The following NPY2R variants were observed in gnomAD, a reference collection of about 807,000 sequenced individuals.
NPY2R encodes neuropeptide Y receptor type 2.
Under a neutral mutation model 22.3 loss-of-function variants are expected in NPY2R, and 17 were observed. The ratio of observed to expected loss-of-function variants is 0.76; its 90% CI spans 0.52 to 1.14. The LOEUF is 1.14. Among genes scored for constraint, NPY2R ranks in the 50% most tolerant of loss-of-function variants. NPY2R has a pLI of 0.00. For synonymous variants in NPY2R, 209 were observed against 183.4 expected (o/e 1.14, Z -1.13); for missense variants, 424 against 467.9 (o/e 0.91, Z 0.87).
At chr4:155,187,440 G>T in the NPY2R span, among the ~76,000 whole-genome samples, 2 of 152,044 alleles carry the variant, frequency 1.3e-5, no homozygotes, top group African/African-American at 2.4e-5. Flanking sequence ...ATGTGCAAAT[G>T]GAATGAGACT....
the NPY2R span, among the ~76,000 whole-genome samples, chr4:155,185,586 T>A: frequency 6.6e-6 from 1 of 152,078 alleles, no homozygotes; most frequent in South Asian, 2.1e-4. Flanking sequence ...TATTTCCATA[T>A]CCCTTTCTTC....
chr4:155,178,651 A>G, the NPY2R span, among the ~76,000 whole-genome samples: 1 of 152,170 alleles, frequency 6.6e-6, no homozygotes, highest in Admixed American at 6.5e-5. Flanking sequence ...TCAGTTGTTC[A>G]TATATTTTGA....
the NPY2R span, among the ~76,000 whole-genome samples, chr4:155,178,016 A>T: frequency 0.089 from 13,577 of 152,184 alleles, 696 homozygotes; most frequent in African/African-American, 0.14. Flanking sequence ...GTGTAGTCAC[A>T]AAACAGTCTA....
At chr4:155,177,882 T>C in the NPY2R span, among the ~76,000 whole-genome samples, 1 of 152,062 alleles carries the variant, frequency 6.6e-6, no homozygotes, top group East Asian at 1.9e-4. Context: ...CACCACCACA[T>C]TGGAGGTTAA....
the NPY2R span, among the ~76,000 whole-genome samples, chr4:155,174,478 ATATATATT>A: frequency 1.1e-5 from 1 of 88,760 alleles, no homozygotes; most frequent in African/African-American, 6.0e-5. Context: ...ATATATATAT[ATATATATT>A]TTTTTTTTTA....
At chr4:155,192,115 T>C in the NPY2R span, among the ~76,000 whole-genome samples, 5 of 151,924 alleles carry the variant, frequency 3.3e-5, no homozygotes, top group African/African-American at 1.2e-4. Flanking sequence ...AAATCCATTT[T>C]ACCTTAATCA....
At chr4:155,190,481 C>G in the NPY2R span, among the ~76,000 whole-genome samples, 9 of 151,894 alleles carry the variant, frequency 5.9e-5, no homozygotes, top group African/African-American at 2.2e-4. Context: ...CTTTCCCAAG[C>G]CTCAACTTCC....
the NPY2R span, among the ~76,000 whole-genome samples, chr4:155,200,920 A>G: frequency 6.6e-6 from 1 of 152,110 alleles, no homozygotes; most frequent in Non-Finnish European, 1.5e-5. Flanking sequence ...CTTAAAACCT[A>G]GATGACGGGT....
chr4:155,214,960 C>T lies in NPY2R; in HGVS notation c.1021C>T (p.Arg341Cys), dbSNP rs201784122. The T allele has an allele frequency of 2.2e-5, 36 of 1,614,212 alleles. No individual in the cohort carries two copies. The highest frequency in any genetic ancestry group is 3.3e-4 in the Middle Eastern group (2 of 6,062). The stretch of plus-strand genomic sequence containing the variant: ...CAGAAAGGCTTTCCTCTCGGCCTTC[C>T]GCTGTGAGCAGCGGTTGGATGCCAT... ...NYRKAFLSAF[R>C]CEQRLDAIHS... Residue 341 changes from arginine (R) to cysteine (C), a missense_variant, in exon 2 of 2, where the codon CGC becomes TGC. Physicochemically the swap from Arg to Cys is radical, Grantham distance 180. Transcript: ENST00000329476.
At chr4:155,209,471 T>C (rs1302167941) in intron 1 of NPY2R, among the ~76,000 whole-genome samples, 1 of 152,202 alleles carries the variant, frequency 6.6e-6, no homozygotes, top group African/African-American at 2.4e-5. Flanking sequence ...GCTCACCCAC[T>C]GGCAGGAGCT....
the NPY2R span, among the ~76,000 whole-genome samples, chr4:155,179,495 T>G: frequency 1.3e-5 from 2 of 152,184 alleles, no homozygotes; most frequent in Non-Finnish European, 2.9e-5. Flanking sequence ...TGGGTTTATT[T>G]AGCCCCCACT....
chr4:155,198,516 A>G, the NPY2R span, among the ~76,000 whole-genome samples: 9 of 104,054 alleles, frequency 8.6e-5, no homozygotes, highest in African/African-American at 2.9e-4. Context: ...TATCAAATAT[A>G]TTTTATAAAT....
chr4:155,202,483 A>T, the NPY2R span, among the ~76,000 whole-genome samples: 2 of 152,164 alleles, frequency 1.3e-5, no homozygotes, highest in African/African-American at 4.8e-5. Flanking sequence ...ATACAGTCTC[A>T]ATAAAGATTT....
chr4:155,214,100 T>C lies in NPY2R; in HGVS notation c.161T>C (p.Ile54Thr). The C allele has an allele frequency of 6.2e-7, 1 of 1,614,066 alleles. No homozygotes were observed. The highest frequency in any genetic ancestry group is 8.5e-7 in the Non-Finnish European group (1 of 1,179,906). Residue 54 changes from isoleucine to threonine, a missense_variant, in exon 2 of 2, where the codon ATA becomes ACA. Transcript: ENST00000329476. The part of the protein sequence containing the change: ...TKLIEVQVVL[I>T]LAYCSIILLG... ...CTGATTGAGGTACAAGTTGTTCTCATATTGGCCTACTGCTCCATCATCTTG... is the reference window on the plus strand; with the variant it reads ...CTGATTGAGGTACAAGTTGTTCTCACATTGGCCTACTGCTCCATCATCTTG...
In NPY2R at chr4:155,214,047, T is replaced by C. The variant is rs778410857; in HGVS notation, c.108T>C (p.Pro36=). 2.5e-6 allele frequency: 4 copies of C among 1,613,972 alleles called. 1 individual carries two copies. The East Asian group carries it at 8.9e-5, about 36-fold the overall frequency. The change falls in exon 2 of 2, where the codon CCT becomes CCC. Residue 36 remains proline, a synonymous_variant. Transcript: ENST00000329476. The stretch of plus-strand genomic sequence containing the variant: ...CTAGAGGTGAACTGGTCCCTGACCC[T>C]GAGCCAGAGCTTATAGATAGTACCA... The part of the protein sequence containing the change: ...TTPRGELVPD[P]EPELIDSTKL...
At chr4:155,181,197 T>C in the NPY2R span, among the ~76,000 whole-genome samples, 2 of 152,182 alleles carry the variant, frequency 1.3e-5, no homozygotes, top group African/African-American at 4.8e-5. Context: ...AGCACGTGGA[T>C]AACTTCTTAT....
At chr4:155,209,936 C>T (rs563163908) in intron 1 of NPY2R, among the ~76,000 whole-genome samples, 18 of 152,172 alleles carry the variant, frequency 1.2e-4, no homozygotes, top group African/African-American at 3.6e-4. Flanking sequence ...ATTTGAATCT[C>T]GGGTGGTGGG....
chr4:155,205,850 T>TATCTATCTATGA (rs1409735697), upstream of NPY2R, among the ~76,000 whole-genome samples: 1 of 151,030 alleles, frequency 6.6e-6, no homozygotes, highest in African/African-American at 2.5e-5. Flanking sequence ...TCTATCTATC[T>TATCTATCTATGA]ATCTATGATT....
chr4:155,178,909 A>T, the NPY2R span, among the ~76,000 whole-genome samples: 1 of 152,096 alleles, frequency 6.6e-6, no homozygotes, highest in African/African-American at 2.4e-5. Flanking sequence ...ACAACTTGAT[A>T]TTTCTTCACA....
Sources: allele counts gnomAD v4.1 joint callset (sites outside exome capture counted in the v4.1 genomes callset), GRCh38; gene constraint gnomAD v4.1.1; transcripts MANE v1.5; gene names NCBI Gene and HGNC (gene_info 2026-07-23, HGNC 2026-07-21).